PIGH: variants seen among roughly 807,000 people sequenced by gnomAD.
PIGH encodes phosphatidylinositol N-acetylglucosaminyltransferase subunit H.
A neutral mutation model predicts 20.1 loss-of-function variants in PIGH; 11 were observed. The ratio of observed to expected loss-of-function variants is 0.55; its 90% CI spans 0.34 to 0.91. PIGH has a LOEUF of 0.91. Ranked by LOEUF, PIGH falls within the 40% of genes least tolerant of loss-of-function variation. The pLI, the probability that PIGH is intolerant of heterozygous loss-of-function variation, is 0.02. For synonymous variants in PIGH, 72 were observed against 93.1 expected (o/e 0.77, Z 1.31); for missense variants, 189 against 233.6 (o/e 0.81, Z 1.24).
chr14:67,597,812 A>C (rs1047200790), intron 1 of PIGH, among the ~76,000 whole-genome samples: 2 of 152,034 alleles, frequency 1.3e-5, no homozygotes, highest in Non-Finnish European at 2.9e-5. Context: ...ACATCCAAGG[A>C]AACAGGATTT....
At position 67,589,715 on chromosome 14, in the gene PIGH, CA is replaced by C; in HGVS notation, c.*364del. On this transcript the variant is annotated 3_prime_UTR_variant, in exon 4 of 4. Transcript: ENST00000216452. ...GTACTATTGGAAAATATAGCTTTCT[CA>C]AGACATCTGATGTCAGTTTCCCATT... 1 of 1,003,382 alleles carries C rather than the reference CA, an allele frequency of 1.0e-6. No individual in the cohort carries two copies. The highest frequency in any genetic ancestry group is 1.2e-6 in the Non-Finnish European group (1 of 841,486). The allele number at this position is 1,003,382 out of a possible 1,614,324, so 62.2% of individuals were successfully genotyped here. A position where few individuals can be genotyped will look rare whatever the true frequency, so the allele number is the denominator to read the frequency against.
intron 1 of PIGH, among the ~76,000 whole-genome samples, chr14:67,598,712 A>AATTT: frequency 1.7e-5 from 1 of 59,412 alleles, no homozygotes; most frequent in Admixed American, 2.1e-4. Context: ...TTATGAACAA[A>AATTT]CTTTTTTTTT....
In PIGH at chr14:67,592,730, T is replaced by C. The variant is rs768259024; in HGVS notation, c.391-12A>G. 5.4e-6 allele frequency: 8 copies of C among 1,485,284 alleles called. No individual in the cohort carries two copies. Among genetic ancestry groups the C allele is most frequent in the Non-Finnish European group, 7.5e-6 (8 of 1,067,298 alleles). 92.0% of individuals were successfully genotyped at this position (1,485,284 alleles called of 1,614,324 possible). A position where few individuals can be genotyped will look rare whatever the true frequency, so the allele number is the denominator to read the frequency against. ...TAAATCACCTTCTGCTGTAAGAAAA[T>C]AAATCAAATAGCAAAGTCTAAGTGA... On this transcript the variant is annotated splice_polypyrimidine_tract_variant and intron_variant, in intron 2 of 3. Transcript: ENST00000216452.
rs1232692820 is a variant in PIGH, at chr14:67,600,239, T to C, written c.-36A>G. On this transcript the variant is annotated 5_prime_UTR_variant, in exon 1 of 4. Coordinates refer to ENST00000216452, the MANE Select transcript of PIGH (RefSeq NM_004569.5). ...CTCGGCCGCCCGCACCGCGCGGCGC[T>C]GCACTGCGCTCGCCGGCCCTGGCCG... 4.0e-6 allele frequency: 6 copies of C among 1,507,622 alleles called. No homozygotes were observed. Among genetic ancestry groups the C allele is most frequent in the Non-Finnish European group, 4.4e-6 (5 of 1,128,728 alleles). The allele number at this position is 1,507,622 out of a possible 1,614,324, so 93.4% of individuals were successfully genotyped here. A position where few individuals can be genotyped will look rare whatever the true frequency, so the allele number is the denominator to read the frequency against.
chr14:67,599,819 T>C (rs1289243648), intron 1 of PIGH, among the ~76,000 whole-genome samples: 1 of 152,102 alleles, frequency 6.6e-6, no homozygotes, highest in African/African-American at 2.4e-5. Context: ...GAATGTACTA[T>C]CCAGGAGCAC....
Position 67,589,672 on chromosome 14 carries a change from C to A in PIGH, c.*408G>T. On this transcript the variant is annotated 3_prime_UTR_variant, in exon 4 of 4. Coordinates refer to ENST00000216452, the MANE Select transcript of PIGH (RefSeq NM_004569.5). ...CCAGTACTGAAGGGCTTGTTTTTTTCGTAACTTTACACAAGGGGTACTATT... is the reference window on the plus strand; with the variant it reads ...CCAGTACTGAAGGGCTTGTTTTTTTAGTAACTTTACACAAGGGGTACTATT... 1.0e-6 allele frequency: 1 copy of A among 990,592 alleles called. No individual in the cohort carries two copies. The highest frequency in any genetic ancestry group is 1.2e-6 in the Non-Finnish European group (1 of 833,074). The allele number at this position is 990,592 out of a possible 1,614,324, so 61.4% of individuals were successfully genotyped here.
At chr14:67,599,858 T>A (rs1400097046) in intron 1 of PIGH, among the ~76,000 whole-genome samples, 166 bp downstream of exon 1, 2 of 152,208 alleles carry the variant, frequency 1.3e-5, no homozygotes, top group Non-Finnish European at 2.9e-5. Context: ...TTTAAAGAGC[T>A]GTCCAGCAGC....
rs1489988645 is a variant in PIGH, at chr14:67,592,443, TAA to T, written c.474+190_474+191del. 9 of 554,294 alleles carry T rather than the reference TAA, an allele frequency of 1.6e-5. No homozygotes were observed. In the East Asian group the frequency reaches 2.5e-4, roughly 15 times the overall value. 34.3% of individuals were successfully genotyped at this position (554,294 alleles called of 1,614,324 possible). ...ACAAAGTGAGACTCTGTCTCTAAAA[TAA>T]AATAAAATGTGCATGAATATTTTTA... On this transcript the variant is annotated intron_variant, in intron 3 of 3. Transcript: ENST00000216452.
In PIGH at chr14:67,592,159, G is replaced by A. The variant is rs2036382318; in HGVS notation, c.474+476C>T. The A allele has an allele frequency of 1.5e-5, 3 of 195,030 alleles. No individual in the cohort carries two copies. In the South Asian group the frequency reaches 2.0e-4, roughly 13 times the overall value. The allele number at this position is 195,030 out of a possible 1,614,324, so 12.1% of individuals were successfully genotyped here. A position where few individuals can be genotyped will look rare whatever the true frequency, so the allele number is the denominator to read the frequency against. On this transcript the variant is annotated intron_variant, in intron 3 of 3. Transcript: ENST00000216452. ...TTCTTTAAAATGTGCATGAGGCCAG[G>A]TATGCTGGCTCATGCTTGTAATCCC... is the stretch of plus-strand genomic sequence containing the variant.
At chr14:67,590,937 G>A (rs540501274) in intron 3 of PIGH, among the ~76,000 whole-genome samples, 1 of 152,190 alleles carries the variant, frequency 6.6e-6, no homozygotes, top group South Asian at 2.1e-4. Context: ...AACACAAGAA[G>A]TGCAGTTTAA....
intron 1 of PIGH, among the ~76,000 whole-genome samples, chr14:67,597,382 A>G (rs1389965598): frequency 1.3e-5 from 2 of 152,072 alleles, no homozygotes; most frequent in Non-Finnish European, 2.9e-5. Flanking sequence ...GGTGGCTGAG[A>G]TAAGAGGATC....
intron 1 of PIGH, among the ~76,000 whole-genome samples, chr14:67,599,439 T>C (rs956892895): frequency 9.2e-5 from 14 of 152,112 alleles, no homozygotes; most frequent in African/African-American, 3.4e-4. Context: ...ACGTCCAAAA[T>C]TTCATAAACC....
chr14:67,597,644 T>C (rs1309575520), intron 1 of PIGH, among the ~76,000 whole-genome samples: 2 of 151,772 alleles, frequency 1.3e-5, no homozygotes, highest in East Asian at 3.9e-4. Context: ...TTAAGAAGAA[T>C]GGAGAGGAAT....
At chr14:67,599,706 C>G (rs1330983336) in intron 1 of PIGH, among the ~76,000 whole-genome samples, 1 of 152,138 alleles carries the variant, frequency 6.6e-6, no homozygotes, top group Non-Finnish European at 1.5e-5. Flanking sequence ...TTACTGCGCG[C>G]CTATACTACA....
chr14:67,593,690 G>C, intron 2 of PIGH, 53 bp downstream of exon 2: 1 of 1,026,054 alleles, frequency 9.7e-7, no homozygotes, highest in East Asian at 2.4e-5. Flanking sequence ...ACATCCCATG[G>C]GCTGGCTACC....
chr14:67,596,568 T>C (rs1309412021), intron 1 of PIGH, among the ~76,000 whole-genome samples: 2 of 152,182 alleles, frequency 1.3e-5, no homozygotes, highest in African/African-American at 2.4e-5. Flanking sequence ...ACTGACAAGA[T>C]GCCCTCCTTT....
intron 2 of PIGH, 167 bp from the exon 3 acceptor site, chr14:67,592,885 A>G: frequency 2.0e-6 from 1 of 494,422 alleles, no homozygotes; most frequent in South Asian, 2.5e-5. Flanking sequence ...TCCCAGGTTC[A>G]AGCGATTCTC....
intron 3 of PIGH, chr14:67,592,054 A>C (rs1485725337): frequency 6.4e-6 from 1 of 156,874 alleles, no homozygotes; most frequent in Non-Finnish European, 1.4e-5. Context: ...TATCTAAAAA[A>C]AGTGTACAGT....
intron 1 of PIGH, among the ~76,000 whole-genome samples, chr14:67,599,693 A>T (rs1207221316): frequency 6.6e-6 from 1 of 152,182 alleles, no homozygotes; most frequent in African/African-American, 2.4e-5. Flanking sequence ...TCTTGGAATT[A>T]AATTACTGCG....
Sources: allele counts gnomAD v4.1 joint callset (sites outside exome capture counted in the v4.1 genomes callset), GRCh38; gene constraint gnomAD v4.1.1; transcripts MANE v1.5; gene names NCBI Gene and HGNC (gene_info 2026-07-23, HGNC 2026-07-21).